Variants in MAPK10 observed in about 807,000 individuals in gnomAD.
MAPK10 encodes JNK3 alpha protein kinase.
Under a neutral mutation model 59.3 loss-of-function variants are expected in MAPK10, and 25 were observed. That is an observed-to-expected ratio of 0.42 (90% CI 0.31 to 0.59). The LOEUF (loss-of-function observed/expected upper bound fraction) is 0.59. MAPK10 is among the 20% of genes least tolerant of loss of function. MAPK10 has a pLI of 0.15. For synonymous variants in MAPK10, 190 were observed against 200.5 expected, an observed-to-expected ratio of 0.95 and a Z score of 0.44; for missense variants, 351 against 568.9, an observed-to-expected ratio of 0.62 and a Z score of 3.90.
chr4:86,168,083 C>T (rs1425022771), intron 3 of MAPK10, among the ~76,000 whole-genome samples: 1 of 152,168 alleles, frequency 6.6e-6, no homozygotes, highest in Non-Finnish European at 1.5e-5. Flanking sequence ...AGAGGACAGC[C>T]AAGATGGCCT....
intron 4 of MAPK10, among the ~76,000 whole-genome samples, chr4:86,138,517 G>A (rs1413577185): frequency 3.0e-5 from 4 of 133,768 alleles, no homozygotes; most frequent in African/African-American, 1.1e-4. Flanking sequence ...AATAAATTAG[G>A]TATTGATGGG....
At chr4:86,173,794 A>ACCC (rs1371557742) in intron 3 of MAPK10, among the ~76,000 whole-genome samples, 1 of 152,144 alleles carries the variant, frequency 6.6e-6, no homozygotes, top group Non-Finnish European at 1.5e-5. Context: ...GGAAAAAACA[A>ACCC]CCCCATCAAA....
At chr4:86,161,142 C>A (rs2149233831) in intron 3 of MAPK10, among the ~76,000 whole-genome samples, 1 of 152,086 alleles carries the variant, frequency 6.6e-6, no homozygotes, top group East Asian at 1.9e-4. Flanking sequence ...GCATTCATTG[C>A]AAATGCACTA....
At chr4:86,232,547 G>A (rs1305469761) in intron 2 of MAPK10, among the ~76,000 whole-genome samples, 2 of 152,092 alleles carry the variant, frequency 1.3e-5, no homozygotes, top group Admixed American at 1.3e-4. Flanking sequence ...CTAATTTTTT[G>A]TATTTTTAGT....
intron 2 of MAPK10, among the ~76,000 whole-genome samples, chr4:86,234,285 A>G (rs756865695): frequency 1.3e-5 from 2 of 152,194 alleles, no homozygotes; most frequent in Non-Finnish European, 2.9e-5. Context: ...TACTTAATAA[A>G]TAGTACTTTT....
At chr4:86,302,931 T>C (rs949791330) in intron 2 of MAPK10, among the ~76,000 whole-genome samples, 1 of 152,218 alleles carries the variant, frequency 6.6e-6, no homozygotes, top group East Asian at 1.9e-4. Context: ...GCCACATTTA[T>C]TTTAAATTTC....
intron 1 of MAPK10, among the ~76,000 whole-genome samples, chr4:86,459,017 A>C (rs1317451223): frequency 6.6e-6 from 1 of 152,252 alleles, no homozygotes. Context: ...TACATCTGAC[A>C]AAGGACTAAT....
intron 2 of MAPK10, among the ~76,000 whole-genome samples, chr4:86,337,293 G>C (rs528594280): frequency 6.6e-6 from 1 of 152,286 alleles, no homozygotes; most frequent in African/African-American, 2.4e-5. Context: ...TCTTGCCATA[G>C]ATTAAATTTT....
intron 2 of MAPK10, among the ~76,000 whole-genome samples, chr4:86,285,300 C>T (rs538918744): frequency 6.6e-6 from 1 of 150,516 alleles, no homozygotes; most frequent in East Asian, 2.0e-4. Context: ...TCACTGCAAC[C>T]TCTGCCTCCC....
chr4:86,575,293 A>G (rs1361282503), intron 1 of MAPK10, among the ~76,000 whole-genome samples: 1 of 152,180 alleles, frequency 6.6e-6, no homozygotes, highest in African/African-American at 2.4e-5. Context: ...TTCAGCCTCC[A>G]TAATCATGTC....
At chr4:86,319,046 G>T (rs188674017) in intron 2 of MAPK10, among the ~76,000 whole-genome samples, 2 of 152,212 alleles carry the variant, frequency 1.3e-5, no homozygotes, top group East Asian at 3.9e-4. Context: ...TAGCAGAAGG[G>T]ACCAACACTC....
chr4:86,551,564 TTCTC>T (rs920539589), intron 1 of MAPK10, among the ~76,000 whole-genome samples: 6 of 144,814 alleles, frequency 4.1e-5, no homozygotes, highest in Non-Finnish European at 6.2e-5. Flanking sequence ...TCCTTCCTTC[TTCTC>T]TCTTTCTTTC....
intron 3 of MAPK10, among the ~76,000 whole-genome samples, chr4:86,167,353 C>T (rs1055517844): frequency 5.3e-5 from 8 of 152,162 alleles, no homozygotes; most frequent in African/African-American, 1.9e-4. Flanking sequence ...AGGAACTTCC[C>T]TGTAACTCAT....
intron 2 of MAPK10, among the ~76,000 whole-genome samples, chr4:86,310,233 A>G (rs1231967326): frequency 1.3e-5 from 2 of 152,100 alleles, no homozygotes; most frequent in African/African-American, 4.8e-5. Context: ...AAATGTATAA[A>G]ACCAAGCCGT....
intron 1 of MAPK10, among the ~76,000 whole-genome samples, chr4:86,526,006 T>C (rs1757449553): frequency 6.6e-6 from 1 of 151,448 alleles, no homozygotes; most frequent in Non-Finnish European, 1.5e-5. Flanking sequence ...TCTCTCTTCA[T>C]TATAGATATT....
rs1486582125 is a variant in MAPK10, at chr4:86,335,462, G to A, written c.-7+19068C>T. Among the ~76,000 whole-genome samples, 7 of 152,274 alleles carry A rather than the reference G, an allele frequency of 4.6e-5. No homozygotes were observed. The South Asian group carries it at 1.0e-3, about 23-fold the overall frequency. On this transcript the variant is annotated intron_variant, in intron 2 of 13. Coordinates refer to ENST00000641462, the MANE Select transcript of MAPK10 (RefSeq NM_138982.4). The stretch of plus-strand genomic sequence containing the variant: ...GATAACCAGATAAGTTTGCTAAATA[G>A]AAATGGCGGACTAAAAATACGGTTT...
intron 1 of MAPK10, among the ~76,000 whole-genome samples, chr4:86,567,964 G>A (rs929012473): frequency 1.3e-5 from 2 of 152,078 alleles, no homozygotes; most frequent in South Asian, 2.1e-4. Context: ...AGGCAAGAGG[G>A]AGAAATAAAA....
intron 1 of MAPK10, among the ~76,000 whole-genome samples, chr4:86,452,445 T>C (rs559261407): frequency 6.6e-6 from 1 of 152,086 alleles, no homozygotes; most frequent in Admixed American, 6.5e-5. Context: ...CAAAACAAAA[T>C]TTTCTCTCCC....
intron 8 of MAPK10, chr4:86,098,907 T>C (rs1384600969): frequency 3.9e-6 from 1 of 257,372 alleles, no homozygotes; most frequent in African/African-American, 2.2e-5. Flanking sequence ...AGTATCTCCA[T>C]GGCAGGTGAC....
Sources: gnomAD v4.1 joint callset for allele counts (sites outside exome capture counted in the v4.1 genomes callset) on GRCh38, gnomAD v4.1.1 for gene constraint, MANE v1.5 for transcripts, NCBI Gene and HGNC (gene_info 2026-07-23, HGNC 2026-07-21) for gene names.